The following OTUD7A variants were observed in gnomAD, a reference collection of about 807,000 sequenced individuals.
OTUD7A encodes OTU deubiquitinase 7A.
Under a neutral mutation model 65.7 loss-of-function variants are expected in OTUD7A, and 12 were observed. The ratio of observed to expected loss-of-function variants is 0.18; its 90% CI spans 0.12 to 0.30. The LOEUF (loss-of-function observed/expected upper bound fraction) is 0.30. Ranked by LOEUF, OTUD7A falls within the 10% of genes least tolerant of loss-of-function variation. The pLI is 1.00. For synonymous variants in OTUD7A, 641 were observed against 586.3 expected, an observed-to-expected ratio of 1.09 and a Z score of -1.35; for missense variants, 1,148 against 1,304.8, an observed-to-expected ratio of 0.88 and a Z score of 1.85.
intron 1 of OTUD7A, among the ~76,000 whole-genome samples, chr15:31,758,865 TC>T (rs143338219): frequency 0.017 from 2,592 of 152,314 alleles, 80 homozygotes; most frequent in African/African-American, 0.059. Flanking sequence ...TTTTTTAATG[TC>T]CTGATTTAGC....
intron 1 of OTUD7A, among the ~76,000 whole-genome samples, chr15:31,732,598 G>A (rs548443370): frequency 6.6e-5 from 10 of 152,354 alleles, no homozygotes; most frequent in South Asian, 6.2e-4. Flanking sequence ...ACGCCACAGC[G>A]TGGATTTCAA....
chr15:31,687,242 G>A (rs1233233301), intron 1 of OTUD7A, among the ~76,000 whole-genome samples: 1 of 152,154 alleles, frequency 6.6e-6, no homozygotes, highest in Non-Finnish European at 1.5e-5. Context: ...AGCAGGAGGA[G>A]GAAGCCGATG....
chr15:31,589,744 A>T (rs115393974), intron 3 of OTUD7A, among the ~76,000 whole-genome samples: 4,698 of 152,246 alleles, frequency 0.031, 119 homozygotes, highest in African/African-American at 0.067. Flanking sequence ...ATATGCAGAC[A>T]TCCAAAAGCT....
At chr15:31,816,213 C>T (rs1050358722) in intron 1 of OTUD7A, among the ~76,000 whole-genome samples, 7 of 152,192 alleles carry the variant, frequency 4.6e-5, no homozygotes, top group Non-Finnish European at 1.0e-4. Context: ...TAACATCAAA[C>T]CTTGGGTAGA....
At chr15:31,508,994 C>T (rs552423501) in intron 8 of OTUD7A, among the ~76,000 whole-genome samples, 1 of 152,254 alleles carries the variant, frequency 6.6e-6, no homozygotes, top group East Asian at 1.9e-4. Flanking sequence ...TTTGATAATG[C>T]TTTTTGTATG....
chr15:31,809,213 G>A (rs1896358583), intron 1 of OTUD7A, among the ~76,000 whole-genome samples: 1 of 152,200 alleles, frequency 6.6e-6, no homozygotes. Context: ...ACTGAGGAAC[G>A]TTCCTGTAAT....
chr15:31,697,675 A>T (rs973223257), intron 1 of OTUD7A, among the ~76,000 whole-genome samples: 5 of 152,216 alleles, frequency 3.3e-5, no homozygotes, highest in Admixed American at 6.5e-5. Flanking sequence ...CTCTATCATT[A>T]CATTTTCACA....
intron 3 of OTUD7A, among the ~76,000 whole-genome samples, chr15:31,623,557 T>C (rs572722765): frequency 6.6e-6 from 1 of 152,362 alleles, no homozygotes; most frequent in South Asian, 2.1e-4. Context: ...CGTGGGACCC[T>C]CCGAGCCAGG....
At position 31,670,600 on chromosome 15, in the gene OTUD7A, T is replaced by C. The variant is rs186688847; in HGVS notation, c.-99-13523A>G. Among the ~76,000 whole-genome samples, 271 of 152,360 alleles carry C rather than the reference T, an allele frequency of 1.8e-3. 1 individual carries two copies. The highest frequency in any genetic ancestry group is 3.4e-3 in the Non-Finnish European group (231 of 68,032). ...TCTTCTTTTGAGAAGTGTCTGTTCA[T>C]ATCCTTTGCCCACTTTTTAATGGGT... On this transcript the variant is annotated intron_variant, in intron 1 of 12. Transcript: ENST00000307050.
At chr15:31,697,973 A>G (rs1295056368) in intron 1 of OTUD7A, among the ~76,000 whole-genome samples, 1 of 152,158 alleles carries the variant, frequency 6.6e-6, no homozygotes, top group Non-Finnish European at 1.5e-5. Flanking sequence ...AATCGAGCCC[A>G]TGGTCCTGCT....
rs2041162884 is a variant in OTUD7A, at chr15:31,483,291, C to G, written c.*3G>C. The G allele has an allele frequency of 8.9e-7, 1 of 1,120,360 alleles. No homozygotes were observed. The highest frequency in any genetic ancestry group is 4.2e-5 in the South Asian group (1 of 23,536). The allele number at this position is 1,120,360 out of a possible 1,614,324, so 69.4% of individuals were successfully genotyped here. On this transcript the variant is annotated 3_prime_UTR_variant, in exon 13 of 13. Coordinates refer to ENST00000307050, the MANE Select transcript of OTUD7A (RefSeq NM_001382637.1). ...CCTCGCCGCCCGCGCCGCGCCGCGCCGCTCAGGGCCGGGCCCCGCGCGCCT... is the reference window on the plus strand; with the variant it reads ...CCTCGCCGCCCGCGCCGCGCCGCGCGGCTCAGGGCCGGGCCCCGCGCGCCT...
chr15:31,675,338 G>C (rs970424889), intron 1 of OTUD7A, among the ~76,000 whole-genome samples: 10 of 152,124 alleles, frequency 6.6e-5, no homozygotes, highest in Admixed American at 1.3e-4. Flanking sequence ...TCGTACATGT[G>C]AGAGAAGTGA....
intron 1 of OTUD7A, among the ~76,000 whole-genome samples, chr15:31,701,484 C>T (rs1405688500): frequency 1.3e-5 from 2 of 151,706 alleles, no homozygotes; most frequent in Non-Finnish European, 2.9e-5. Flanking sequence ...GGAATATTGG[C>T]CCTGGAGGCA....
intron 1 of OTUD7A, among the ~76,000 whole-genome samples, chr15:31,849,116 C>T (rs1005040937): frequency 3.9e-5 from 6 of 152,170 alleles, no homozygotes; most frequent in African/African-American, 9.7e-5. Flanking sequence ...GTGGGTAACC[C>T]GACCTTTCTC....
At chr15:31,603,779 C>T (rs12101759) in intron 3 of OTUD7A, among the ~76,000 whole-genome samples, 3,138 of 152,136 alleles carry the variant, frequency 0.021, 95 homozygotes, top group African/African-American at 0.072. Context: ...AAAAAGTGGG[C>T]AAATTATATG....
chr15:31,845,235 A>G lies in OTUD7A; in HGVS notation c.-100+25272T>C, dbSNP rs1048050308. On this transcript the variant is annotated intron_variant, in intron 1 of 12. Transcript: ENST00000307050. ...CATCCTCTCACCTGCGCTAGGCGACATAAACCTGTTTCCCTCATGGCTCTG... is the reference window on the plus strand; with the variant it reads ...CATCCTCTCACCTGCGCTAGGCGACGTAAACCTGTTTCCCTCATGGCTCTG... Among the ~76,000 whole-genome samples, 61 of 152,176 alleles carry G rather than the reference A, an allele frequency of 4.0e-4. 2 individuals are homozygous for G. The highest frequency in any genetic ancestry group is 2.9e-5 in the Non-Finnish European group (2 of 68,028).
intron 1 of OTUD7A, among the ~76,000 whole-genome samples, chr15:31,777,609 T>TGTAGAGG (rs1895420024): frequency 1.3e-5 from 2 of 152,204 alleles, no homozygotes; most frequent in East Asian, 3.9e-4. Flanking sequence ...TGGAGTGCAG[T>TGTAGAGG]GTAGAGGCTG....
intron 1 of OTUD7A, among the ~76,000 whole-genome samples, chr15:31,762,451 A>G (rs1169105252): frequency 6.6e-6 from 1 of 152,246 alleles, no homozygotes; most frequent in Non-Finnish European, 1.5e-5. Flanking sequence ...AGCATAAAGA[A>G]CCAGAAAGAC....
chr15:31,768,245 A>G (rs919267986), intron 1 of OTUD7A: 4 of 846,172 alleles, frequency 4.7e-6, no homozygotes, highest in African/African-American at 1.7e-5. Context: ...TGTAGGTGAC[A>G]CTCAAGACCC....
Sources: gnomAD v4.1 joint callset for allele counts (sites outside exome capture counted in the v4.1 genomes callset) on GRCh38, gnomAD v4.1.1 for gene constraint, MANE v1.5 for transcripts, NCBI Gene and HGNC (gene_info 2026-07-23, HGNC 2026-07-21) for gene names.